The following ITGA2 variants were observed in gnomAD, a reference collection of about 807,000 sequenced individuals.
ITGA2 encodes the protein integrin alpha-2.
A neutral mutation model predicts 146.3 loss-of-function variants in ITGA2; 101 were observed. The ratio of observed to expected loss-of-function variants is 0.69; its 90% confidence interval spans 0.59 to 0.81. The LOEUF (loss-of-function observed/expected upper bound fraction) is 0.81. Ranked by LOEUF, ITGA2 falls within the 40% of genes least tolerant of loss-of-function variation. ITGA2 has a pLI of 0.00. For synonymous variants in ITGA2, 477 were observed against 487.1 expected, an observed-to-expected ratio of 0.98 and a Z score of 0.27; for missense variants, 1,281 against 1,402.7, an observed-to-expected ratio of 0.91 and a Z score of 1.39.
chr5:53,011,743 G>GT (rs1561089028), intron 1 of ITGA2, among the ~76,000 whole-genome samples: 2 of 151,960 alleles, frequency 1.3e-5, no homozygotes, highest in Non-Finnish European at 2.9e-5. Flanking sequence ...GAGTGGGGGG[G>GT]AGTGAGGGGA....
chr5:53,038,840 C>A (rs11747379), intron 2 of ITGA2, among the ~76,000 whole-genome samples: 21,025 of 152,130 alleles, frequency 0.14, 1,666 homozygotes, highest in Middle Eastern at 0.18. Context: ...CCAGTAATCC[C>A]AGTGTTTTAG....
chr5:53,054,186 T>G (rs111302885), intron 7 of ITGA2, among the ~76,000 whole-genome samples: 147 of 152,248 alleles, frequency 9.7e-4, no homozygotes, highest in African/African-American at 3.1e-3. Flanking sequence ...TGCACCAAGT[T>G]ATCCATGAGC....
intron 2 of ITGA2, among the ~76,000 whole-genome samples, chr5:53,039,822 A>G (rs1294606051): frequency 1.3e-5 from 2 of 151,292 alleles, no homozygotes; most frequent in African/African-American, 2.4e-5. Flanking sequence ...AAATGATAGC[A>G]TAGAATCATC....
chr5:53,074,727 C>T (rs1209065452), intron 21 of ITGA2, among the ~76,000 whole-genome samples: 1 of 151,954 alleles, frequency 6.6e-6, no homozygotes, highest in Non-Finnish European at 1.5e-5. Flanking sequence ...TGTTGAGCAA[C>T]ATTGGTCAAA....
intron 7 of ITGA2, among the ~76,000 whole-genome samples, chr5:53,052,083 C>CT (rs1744395984): frequency 6.6e-6 from 1 of 152,038 alleles, no homozygotes; most frequent in African/African-American, 2.4e-5. Context: ...TCTTTTCACT[C>CT]TATTTTTTAT....
chr5:52,989,695 ACTT>A (rs1740825195), intron 1 of ITGA2, among the ~76,000 whole-genome samples, 163 bp downstream of exon 1: 1 of 151,906 alleles, frequency 6.6e-6, no homozygotes, highest in South Asian at 2.1e-4. Flanking sequence ...GGAAAGAGAT[ACTT>A]CTTCGTTCCC....
chr5:53,014,996 T>C (rs568403778), intron 1 of ITGA2, among the ~76,000 whole-genome samples: 4 of 152,258 alleles, frequency 2.6e-5, no homozygotes, highest in African/African-American at 9.6e-5. Flanking sequence ...TTTTTCTTTA[T>C]TAGTCTAGCT....
intron 3 of ITGA2, among the ~76,000 whole-genome samples, chr5:53,044,736 AT>A (rs1579844051): frequency 6.6e-6 from 1 of 152,184 alleles, no homozygotes; most frequent in Non-Finnish European, 1.5e-5. Flanking sequence ...TGTAAAAAAA[AT>A]CATAATTAAA....
In ITGA2 at chr5:53,065,923, G is replaced by A. The variant is rs371881495; in HGVS notation, c.1889G>A (p.Gly630Glu). ...TTGGATGGCTATGGAGATTTAAATG[G>A]GGATTCCATCACCGATGTGTCTATT... is the stretch of plus-strand genomic sequence containing the variant. ...RSLDGYGDLN[G>E]DSITDVSIGA... Residue 630 changes from glycine (G) to glutamate (E), a missense_variant, in exon 15 of 30, where the codon GGG becomes GAG. Gly to Glu is a moderately conservative substitution (Grantham distance 98). This residue lies in a region of ITGA2 where 795 missense variants were observed against 841.7 expected (regional missense o/e 0.94). Coordinates refer to ENST00000296585, the MANE Select transcript of ITGA2 (RefSeq NM_002203.4). The A allele has an allele frequency of 6.2e-7, 1 of 1,611,994 alleles. No homozygotes were observed. The highest frequency in any genetic ancestry group is 1.3e-5 in the African/African-American group (1 of 74,710).
chr5:53,010,294 A>T (rs1371228203), intron 1 of ITGA2, among the ~76,000 whole-genome samples: 1 of 152,202 alleles, frequency 6.6e-6, no homozygotes, highest in African/African-American at 2.4e-5. Context: ...AGCTGTTGAG[A>T]GCCCAGAGGC....
chr5:53,054,328 T>C (rs993664406), intron 7 of ITGA2, among the ~76,000 whole-genome samples: 3 of 152,196 alleles, frequency 2.0e-5, no homozygotes, highest in Admixed American at 2.0e-4. Context: ...TAATATCTTA[T>C]AAACATCCTA....
chr5:53,075,878 G>GT (rs3212595), intron 23 of ITGA2, among the ~76,000 whole-genome samples: 15,739 of 151,990 alleles, frequency 0.1, 956 homozygotes, highest in African/African-American at 0.16. Context: ...TGGAAATGAG[G>GT]TTTTTTCCAA....
intron 20 of ITGA2, among the ~76,000 whole-genome samples, 186 bp from the exon 21 acceptor site, chr5:53,074,199 G>A (rs997817659): frequency 6.6e-6 from 1 of 151,904 alleles, no homozygotes; most frequent in Admixed American, 6.6e-5. Context: ...TTTAGGGTTA[G>A]CAATAAAAGT....
intron 14 of ITGA2, 28 bp downstream of exon 14, chr5:53,065,143 A>C: frequency 6.2e-7 from 1 of 1,600,662 alleles, no homozygotes; most frequent in Non-Finnish European, 8.6e-7. Context: ...ATGGTGATGT[A>C]TGTATTTGTG....
At chr5:53,067,050 T>C in intron 15 of ITGA2, 68 bp from the exon 16 acceptor site, 1 of 1,525,444 alleles carries the variant, frequency 6.6e-7, no homozygotes, top group Non-Finnish European at 9.0e-7. Context: ...GGGTCCTCTA[T>C]GATAAAGGAT....
At chr5:53,060,086 G>T in intron 11 of ITGA2, 74 bp downstream of exon 11, 2 of 1,459,970 alleles carry the variant, frequency 1.4e-6, no homozygotes, top group Non-Finnish European at 1.9e-6. Context: ...TGAATCTCAG[G>T]GTGAGTTCAG....
intron 28 of ITGA2, 73 bp downstream of exon 28, chr5:53,087,114 G>A (rs1746195313): frequency 3.0e-6 from 3 of 997,928 alleles, no homozygotes; most frequent in Admixed American, 1.7e-5. Flanking sequence ...GCCTGGGATA[G>A]TCACTCTTCT....
chr5:53,035,064 T>C (rs1361803029), intron 2 of ITGA2, among the ~76,000 whole-genome samples: 2 of 152,220 alleles, frequency 1.3e-5, no homozygotes, highest in Non-Finnish European at 2.9e-5. Flanking sequence ...AAAAATGCTT[T>C]ATGAGCTATA....
intron 12 of ITGA2, 118 bp from the exon 13 acceptor site, chr5:53,062,668 C>T (rs755949164): frequency 2.4e-4 from 260 of 1,079,732 alleles, no homozygotes; most frequent in Non-Finnish European, 3.3e-4. Context: ...GTTCCAAGCA[C>T]TTTGCAAATA....
Sources: allele counts gnomAD v4.1 joint callset (sites outside exome capture counted in the v4.1 genomes callset), GRCh38; gene constraint gnomAD v4.1.1; regional missense constraint gnomAD v4.1.1; transcripts MANE v1.5; gene names NCBI Gene and HGNC (gene_info 2026-07-23, HGNC 2026-07-21).